The following SCAF8 variants were observed in gnomAD, a reference collection of about 807,000 sequenced individuals.
SCAF8 encodes SR-related CTD associated factor 8, also known as SR-related and CTD-associated factor 8.
SCAF8 carries 23 observed loss-of-function variants against 140.5 expected under a neutral mutation model. That is an observed-to-expected ratio of 0.16 (90% confidence interval 0.12 to 0.23). The LOEUF (loss-of-function observed/expected upper bound fraction) is 0.23, where lower values mean the gene tolerates loss of function less well. Ranked by LOEUF, SCAF8 falls within the 10% of genes least tolerant of loss-of-function variation. The pLI, the probability that SCAF8 is intolerant of heterozygous loss-of-function variation, is 1.00. For synonymous variants in SCAF8, 575 were observed against 528.9 expected, an observed-to-expected ratio of 1.09 and a Z score of -1.20; for missense variants, 1,397 against 1,555.7, an observed-to-expected ratio of 0.90 and a Z score of 1.72.
chr6:154,771,725 G>A (rs1466202603), intron 1 of SCAF8, among the ~76,000 whole-genome samples: 1 of 152,128 alleles, frequency 6.6e-6, no homozygotes, highest in Non-Finnish European at 1.5e-5. Flanking sequence ...GTAGATACTG[G>A]GGTCTGCTAG....
At chr6:154,777,787 C>G (rs1428395322) in intron 2 of SCAF8, among the ~76,000 whole-genome samples, 2 of 152,194 alleles carry the variant, frequency 1.3e-5, no homozygotes, top group East Asian at 3.8e-4. Context: ...TTTGGACATG[C>G]TGATCACACA....
At chr6:154,742,679 G>C (rs897908985) in intron 1 of SCAF8, among the ~76,000 whole-genome samples, 16 of 152,060 alleles carry the variant, frequency 1.1e-4, no homozygotes, top group Non-Finnish European at 1.9e-4. Flanking sequence ...CTTAAGGAAG[G>C]CTATGTAAAT....
intron 18 of SCAF8, among the ~76,000 whole-genome samples, chr6:154,830,590 C>A (rs1583074618): frequency 6.6e-6 from 1 of 152,160 alleles, no homozygotes; most frequent in African/African-American, 2.4e-5. Flanking sequence ...CTGCACTAGT[C>A]ATTTCTGTAT....
intron 1 of SCAF8, among the ~76,000 whole-genome samples, chr6:154,766,432 A>C (rs911126375): frequency 2.0e-5 from 3 of 152,142 alleles, no homozygotes; most frequent in Non-Finnish European, 4.4e-5. Flanking sequence ...TTGTGTCCTA[A>C]AAATAAATCA....
intron 1 of SCAF8, among the ~76,000 whole-genome samples, chr6:154,760,594 A>G (rs1776355433): frequency 6.6e-6 from 1 of 152,204 alleles, no homozygotes; most frequent in African/African-American, 2.4e-5. Context: ...TTAGTTTAGT[A>G]GAATATTGTC....
At chr6:154,824,480 AG>A (rs1778507278) in intron 17 of SCAF8, 102 bp downstream of exon 17, 1 of 1,044,328 alleles carries the variant, frequency 9.6e-7, no homozygotes, top group African/African-American at 1.6e-5. Flanking sequence ...CTGAGACCTT[AG>A]CATGCATAGC....
At chr6:154,814,565 C>T (rs1358126763) in intron 12 of SCAF8, among the ~76,000 whole-genome samples, 1 of 152,116 alleles carries the variant, frequency 6.6e-6, no homozygotes, top group Non-Finnish European at 1.5e-5. Flanking sequence ...AGTGATCTTG[C>T]CAAGGGTACC....
At chr6:154,780,416 T>C (rs1777053995) in intron 3 of SCAF8, among the ~76,000 whole-genome samples, 1 of 151,352 alleles carries the variant, frequency 6.6e-6, no homozygotes, top group Non-Finnish European at 1.5e-5. Flanking sequence ...ATAGGTTTGT[T>C]ACATAGGTAT....
intron 1 of SCAF8, among the ~76,000 whole-genome samples, chr6:154,758,157 C>T (rs1212112271): frequency 1.3e-5 from 2 of 152,140 alleles, no homozygotes; most frequent in African/African-American, 4.8e-5. Flanking sequence ...AGCAGTCTGC[C>T]TGCCTTGGCC....
At chr6:154,750,736 C>T (rs1025945924) in intron 1 of SCAF8, among the ~76,000 whole-genome samples, 1 of 152,136 alleles carries the variant, frequency 6.6e-6, no homozygotes, top group Non-Finnish European at 1.5e-5. Flanking sequence ...CTTAAGTCTA[C>T]TGTAAGCAAT....
intron 1 of SCAF8, among the ~76,000 whole-genome samples, chr6:154,742,202 A>T (rs1778587410): frequency 1.3e-5 from 2 of 152,210 alleles, no homozygotes; most frequent in Non-Finnish European, 2.9e-5. Flanking sequence ...CTTCACAAAA[A>T]GGTTAATTGG....
chr6:154,810,730 A>G (rs916875947), intron 12 of SCAF8, among the ~76,000 whole-genome samples: 4 of 152,158 alleles, frequency 2.6e-5, no homozygotes, highest in Non-Finnish European at 4.4e-5. Flanking sequence ...GTTTTGGAGC[A>G]GGTGTGGGGA....
intron 1 of SCAF8, among the ~76,000 whole-genome samples, chr6:154,768,216 A>G (rs1776637596): frequency 6.6e-6 from 1 of 152,162 alleles, no homozygotes; most frequent in Non-Finnish European, 1.5e-5. Context: ...ATCTCAACCT[A>G]CTATACATAT....
intron 5 of SCAF8, among the ~76,000 whole-genome samples, 190 bp downstream of exon 5, chr6:154,793,166 A>G (rs919125088): frequency 2.0e-4 from 31 of 152,228 alleles, no homozygotes; most frequent in Non-Finnish European, 1.5e-4. Flanking sequence ...AATGTAGAAA[A>G]CTGATTTTCA....
rs140858409 is a variant in SCAF8 at position 154,831,442 on chromosome 6, A to G, written c.2359+302A>G. ...TACTGCACAAAATCTGTATACTTATAGGAAGATAAAAATGAACAAGTATTG... is the reference window on the plus strand; with the variant it reads ...TACTGCACAAAATCTGTATACTTATGGGAAGATAAAAATGAACAAGTATTG... On this transcript the variant is annotated intron_variant, in intron 19 of 19. Coordinates refer to ENST00000367178, the MANE Select transcript of SCAF8 (RefSeq NM_014892.5). 3.9e-5 allele frequency among the ~76,000 whole-genome samples: 6 copies of G among 152,236 alleles called. No individual in the cohort carries two copies. The East Asian group carries it at 7.7e-4, about 20-fold the overall frequency.
chr6:154,799,276 C>A (rs1777699090), intron 6 of SCAF8, among the ~76,000 whole-genome samples: 1 of 151,148 alleles, frequency 6.6e-6, no homozygotes, highest in Non-Finnish European at 1.5e-5. Flanking sequence ...CCGTGCCTGG[C>A]CAATTTTTTA....
intron 1 of SCAF8, among the ~76,000 whole-genome samples, chr6:154,753,777 G>A (rs924609240): frequency 2.4e-4 from 37 of 152,300 alleles, no homozygotes; most frequent in African/African-American, 8.7e-4. Flanking sequence ...GCAGTAGGTG[G>A]ATAGGGTGCA....
At chr6:154,825,345 A>G (rs1033642052) in intron 17 of SCAF8, 1 of 152,176 alleles carries the variant, frequency 6.6e-6, no homozygotes, top group Non-Finnish European at 1.5e-5. Context: ...TAAAAACTAT[A>G]GATTACTTAA....
intron 17 of SCAF8, 80 bp downstream of exon 17, chr6:154,824,458 A>G: frequency 1.5e-6 from 2 of 1,310,942 alleles, no homozygotes; most frequent in South Asian, 1.3e-5. Context: ...TAAGTACCAT[A>G]GAGCAGTGGT....
Sources: allele counts gnomAD v4.1 joint callset (sites outside exome capture counted in the v4.1 genomes callset), GRCh38; gene constraint gnomAD v4.1.1; transcripts MANE v1.5; gene names NCBI Gene and HGNC (gene_info 2026-07-23, HGNC 2026-07-21).